Variants in ATP10B observed in about 807,000 individuals in gnomAD.
The protein encoded by ATP10B is ATPase phospholipid transporting 10B (putative), also known as phospholipid-transporting ATPase VB.
Under a neutral mutation model 141.2 loss-of-function variants are expected in ATP10B, and 122 were observed. The ratio of observed to expected loss-of-function variants is 0.86; its 90% CI spans 0.75 to 1.00. ATP10B has a LOEUF of 1.00. Among genes scored for constraint, ATP10B ranks in the 50% least tolerant of loss-of-function variants. ATP10B has a pLI of 0.00. For synonymous variants in ATP10B, 685 were observed against 692.0 expected, an observed-to-expected ratio of 0.99 and a Z score of 0.16; for missense variants, 1,876 against 1,825.3, an observed-to-expected ratio of 1.03 and a Z score of -0.51.
intron 1 of ATP10B, among the ~76,000 whole-genome samples, chr5:160,818,791 C>G (rs1276761603): frequency 6.6e-6 from 1 of 152,204 alleles, no homozygotes; most frequent in Non-Finnish European, 1.5e-5. Context: ...AAATGTGGCA[C>G]ATGTACACCA....
chr5:160,652,175 C>T (rs1760786796), intron 7 of ATP10B, among the ~76,000 whole-genome samples: 1 of 152,024 alleles, frequency 6.6e-6, no homozygotes, highest in Non-Finnish European at 1.5e-5. Flanking sequence ...TCCTGCTGAG[C>T]ACAGGACTTT....
At chr5:160,824,408 A>C (rs1055366894) in intron 1 of ATP10B, among the ~76,000 whole-genome samples, 1 of 152,184 alleles carries the variant, frequency 6.6e-6, no homozygotes, top group Non-Finnish European at 1.5e-5. Context: ...CAGGAGTAGA[A>C]GTCAGTGGTT....
In ATP10B at chr5:160,564,876, A is replaced by G. The variant is rs1166975859; in HGVS notation, c.*577T>C. 2.0e-5 allele frequency: 3 copies of G among 152,896 alleles called. No homozygotes were observed. The highest frequency in any genetic ancestry group is 4.8e-5 in the African/African-American group (2 of 41,448). The allele number at this position is 152,896 out of a possible 1,614,324, so 9.5% of individuals were successfully genotyped here. A position where few individuals can be genotyped will look rare whatever the true frequency, so the allele number is the denominator to read the frequency against. ...TCCACTTTTCTTTCTGGCTTTTAGT[A>G]GTAGCTTTTTAGATGTGGCTTTTCT... On this transcript the variant is annotated 3_prime_UTR_variant, in exon 26 of 26. Transcript: ENST00000327245.
the ATP10B span, among the ~76,000 whole-genome samples, chr5:160,900,935 A>G: frequency 1.8e-5 from 1 of 55,348 alleles, no homozygotes; most frequent in Non-Finnish European, 3.8e-5. Context: ...TTTTTTTTTT[A>G]AGTCTTATAA....
the ATP10B span, among the ~76,000 whole-genome samples, chr5:160,928,739 C>G: frequency 6.6e-6 from 1 of 152,202 alleles, no homozygotes. Context: ...TCCCCACACA[C>G]ATTTCTTTCA....
chr5:160,692,897 A>G (rs368381400), intron 3 of ATP10B: 130 of 152,316 alleles, frequency 8.5e-4, no homozygotes, highest in African/African-American at 2.9e-3. Flanking sequence ...GCAACTTGAC[A>G]TCTTGGCATA....
At chr5:160,881,471 C>T in the ATP10B span, among the ~76,000 whole-genome samples, 17 of 152,188 alleles carry the variant, frequency 1.1e-4, no homozygotes, top group Non-Finnish European at 2.2e-4. Flanking sequence ...AAACTTTTAT[C>T]TATACAAAAA....
chr5:160,829,210 TA>T (rs571100202), intron 1 of ATP10B, among the ~76,000 whole-genome samples: 11,756 of 146,746 alleles, frequency 0.08, 607 homozygotes, highest in Middle Eastern at 0.14. Context: ...AGTATAATAA[TA>T]AAAAAAAAAG....
chr5:160,868,613 A>G, the ATP10B span, among the ~76,000 whole-genome samples: 7 of 151,868 alleles, frequency 4.6e-5, no homozygotes, highest in South Asian at 1.2e-3. Flanking sequence ...AGATTGGATT[A>G]TAATAAGCTC....
chr5:160,734,879 G>C (rs1229298790), intron 2 of ATP10B, among the ~76,000 whole-genome samples: 2 of 151,904 alleles, frequency 1.3e-5, no homozygotes, highest in Non-Finnish European at 2.9e-5. Context: ...GAATATAGTA[G>C]AAGAGTTCAG....
At chr5:160,919,223 CAAAA>C in the ATP10B span, among the ~76,000 whole-genome samples, 226 of 26,958 alleles carry the variant, frequency 8.4e-3, 12 homozygotes, top group African/African-American at 0.041. Flanking sequence ...AACTCCGTCT[CAAAA>C]AAAAAAAAAA....
chr5:160,743,192 A>G (rs1431831908), intron 2 of ATP10B, among the ~76,000 whole-genome samples: 1 of 152,152 alleles, frequency 6.6e-6, no homozygotes, highest in Non-Finnish European at 1.5e-5. Flanking sequence ...CAATCCTGAA[A>G]CTAGTTCATG....
At chr5:160,929,141 C>T in the ATP10B span, among the ~76,000 whole-genome samples, 65 of 152,286 alleles carry the variant, frequency 4.3e-4, 1 homozygote, top group African/African-American at 1.5e-3. Context: ...GAAGTAGCAT[C>T]CCTGCCCCAG....
At chr5:160,858,349 T>C in the ATP10B span, among the ~76,000 whole-genome samples, 1 of 152,026 alleles carries the variant, frequency 6.6e-6, no homozygotes, top group East Asian at 1.9e-4. Flanking sequence ...TTAATCTGCT[T>C]ATATTGCTGT....
At chr5:160,568,449 T>C (rs982748295) in intron 25 of ATP10B, among the ~76,000 whole-genome samples, 1 of 152,212 alleles carries the variant, frequency 6.6e-6, no homozygotes, top group African/African-American at 2.4e-5. Context: ...AAGTTTTGTA[T>C]AATTGTCTAT....
the ATP10B span, among the ~76,000 whole-genome samples, chr5:160,913,566 G>C: frequency 2.8e-4 from 42 of 152,014 alleles, no homozygotes; most frequent in Non-Finnish European, 4.6e-4. Flanking sequence ...TATCTACTTG[G>C]CCCAAATCTC....
Position 160,597,028 on chromosome 5 carries a change from A to T in ATP10B, c.3564+1742T>A, listed in dbSNP as rs200314549. On this transcript the variant is annotated intron_variant, in intron 22 of 25. Transcript: ENST00000327245. ...AAGCTACCAATGACTTTCTTCACAG[A>T]ATTGGAAAAAAACTACTTTCAAGTT... is the stretch of plus-strand genomic sequence containing the variant. Among the ~76,000 whole-genome samples, 10 of 152,336 alleles carry T rather than the reference A, an allele frequency of 6.6e-5. No homozygotes were observed. In the East Asian group the frequency reaches 1.9e-3, roughly 29 times the overall value.
chr5:160,780,533 C>A (rs1210314984), intron 2 of ATP10B, among the ~76,000 whole-genome samples: 1 of 152,112 alleles, frequency 6.6e-6, no homozygotes, highest in East Asian at 1.9e-4. Flanking sequence ...CTCCTTTGAT[C>A]ACACTAACAA....
At chr5:160,639,892 G>T (rs1759703833) in intron 10 of ATP10B, among the ~76,000 whole-genome samples, 1 of 152,156 alleles carries the variant, frequency 6.6e-6, no homozygotes, top group African/African-American at 2.4e-5. Context: ...TCCCATGTAG[G>T]GATAATGGGA....
Sources: gnomAD v4.1 joint callset for allele counts (sites outside exome capture counted in the v4.1 genomes callset) on GRCh38, gnomAD v4.1.1 for gene constraint, MANE v1.5 for transcripts, NCBI Gene and HGNC (gene_info 2026-07-23, HGNC 2026-07-21) for gene names.